BIRC6: variants seen among roughly 807,000 people sequenced by gnomAD.
BIRC6 encodes the protein dual E2 ubiquitin-conjugating enzyme/E3 ubiquitin-protein ligase BIRC6.
Under a neutral mutation model 503.3 loss-of-function variants are expected in BIRC6, and 98 were observed. That is an observed-to-expected ratio of 0.19 (90% CI 0.17 to 0.23). BIRC6 has a LOEUF of 0.23. Ranked by LOEUF, BIRC6 falls within the 10% of genes least tolerant of loss-of-function variation. The pLI is 1.00. For synonymous variants in BIRC6, 2,240 were observed against 2,078.7 expected (o/e 1.08, Z -2.11); for missense variants, 5,360 against 5,806.0 (o/e 0.92, Z 2.50).
At chr2:32,568,127 A>G (rs1326852968) in intron 65 of BIRC6, among the ~76,000 whole-genome samples, 1 of 151,840 alleles carries the variant, frequency 6.6e-6, no homozygotes, top group Admixed American at 6.6e-5. Flanking sequence ...ACAAACAAAC[A>G]AGAATGGAGA....
intron 37 of BIRC6, among the ~76,000 whole-genome samples, chr2:32,480,210 C>T (rs771029020): frequency 1.3e-5 from 2 of 152,118 alleles, no homozygotes; most frequent in Non-Finnish European, 2.9e-5. Flanking sequence ...ATGAACACTT[C>T]GTTATCGAAG....
intron 66 of BIRC6, among the ~76,000 whole-genome samples, chr2:32,580,739 A>G (rs2060616664): frequency 6.6e-6 from 1 of 152,218 alleles, no homozygotes; most frequent in Non-Finnish European, 1.5e-5. Flanking sequence ...CTCAGCAGAT[A>G]GAGCTGTATA....
chr2:32,572,015 A>C (rs995102154), intron 65 of BIRC6, among the ~76,000 whole-genome samples: 5 of 152,062 alleles, frequency 3.3e-5, no homozygotes, highest in African/African-American at 1.2e-4. Flanking sequence ...TTTAATTTCC[A>C]TGTATTTGTA....
In BIRC6 at chr2:32,599,946, C is replaced by G. The variant is rs1167987935; in HGVS notation, c.13992+46C>G. ...TGTTTCAAATGCCAATGATTGTATA[C>G]AAAGGTTCTTTGTAATTTGAAGAAA... On this transcript the variant is annotated intron_variant, in intron 70 of 73. Transcript: ENST00000421745. 3 of 1,561,500 alleles carry G rather than the reference C, an allele frequency of 1.9e-6. No homozygotes were observed. The African/African-American group carries it at 4.1e-5, about 21-fold the overall frequency.
chr2:32,381,779 C>T (rs1022583526), intron 3 of BIRC6, among the ~76,000 whole-genome samples: 9 of 151,946 alleles, frequency 5.9e-5, no homozygotes, highest in Non-Finnish European at 1.3e-4. Flanking sequence ...CTCTTAACCT[C>T]GTGATTCACC....
At chr2:32,439,175 TTG>T (rs957514092) in intron 15 of BIRC6, among the ~76,000 whole-genome samples, 10 of 151,498 alleles carry the variant, frequency 6.6e-5, no homozygotes, top group African/African-American at 2.2e-4. Flanking sequence ...AATGACAGTT[TTG>T]TGTGTGTGTG....
chr2:32,440,923 C>T (rs1478077548), intron 16 of BIRC6, among the ~76,000 whole-genome samples: 1 of 151,856 alleles, frequency 6.6e-6, no homozygotes, highest in Non-Finnish European at 1.5e-5. Flanking sequence ...CCATGCTTGG[C>T]TAACTTTTGT....
chr2:32,440,111 CA>C (rs2045245266), intron 16 of BIRC6, among the ~76,000 whole-genome samples: 1 of 152,216 alleles, frequency 6.6e-6, no homozygotes. Context: ...CTCCTAACCT[CA>C]GGTGATCTGC....
intron 12 of BIRC6, among the ~76,000 whole-genome samples, chr2:32,432,779 T>C (rs1231860816): frequency 6.7e-6 from 1 of 149,764 alleles, no homozygotes; most frequent in African/African-American, 2.5e-5. Context: ...AAAAAAAAAC[T>C]TTCATGCTAC....
At chr2:32,447,696 C>T (rs1485415174) in intron 21 of BIRC6, among the ~76,000 whole-genome samples, 4 of 93,560 alleles carry the variant, frequency 4.3e-5, no homozygotes, top group Admixed American at 9.5e-5. Flanking sequence ...GCTGGCCGGG[C>T]GGGGGGCTGA....
At chr2:32,385,714 A>C (rs1350764192) in intron 3 of BIRC6, among the ~76,000 whole-genome samples, 1 of 152,236 alleles carries the variant, frequency 6.6e-6, no homozygotes, top group African/African-American at 2.4e-5. Flanking sequence ...CTTGCAGTAC[A>C]GTCTGGTCTT....
chr2:32,523,947 G>A (rs1431732757), intron 57 of BIRC6, among the ~76,000 whole-genome samples: 2 of 151,942 alleles, frequency 1.3e-5, no homozygotes, highest in African/African-American at 2.4e-5. Flanking sequence ...GTGAGGCTGA[G>A]GTGAGATGAT....
rs546168826 is a variant in BIRC6 at position 32,366,377 on chromosome 2, A to T, written c.325+8891A>T. On this transcript the variant is annotated intron_variant, in intron 1 of 73. Coordinates refer to ENST00000421745, the MANE Select transcript of BIRC6 (RefSeq NM_016252.4). ...TCACTTGTTCTTTTTGTCTTTTTGGATTTGTTCAATACCTTCTTTATTCCT... is the reference window on the plus strand; with the variant it reads ...TCACTTGTTCTTTTTGTCTTTTTGGTTTTGTTCAATACCTTCTTTATTCCT... Among the ~76,000 whole-genome samples the T allele has an allele frequency of 9.7e-4, 148 of 152,036 alleles. 1 individual carries two copies. In the South Asian group the frequency reaches 0.011, roughly 11 times the overall value.
At chr2:32,404,765 C>A (rs1311115538) in intron 8 of BIRC6, among the ~76,000 whole-genome samples, 1 of 151,872 alleles carries the variant, frequency 6.6e-6, no homozygotes, top group Non-Finnish European at 1.5e-5. Flanking sequence ...GGGCTCAAGT[C>A]ATCCTTCTAC....
rs570760405 is a variant in BIRC6 at position 32,445,921 on chromosome 2, G to C, written c.4484+253G>C. ...TGCCCAGGCTGGAGTGCAATGGTGT[G>C]ATCTCAGCTCACCACAACCTCCATC... On this transcript the variant is annotated intron_variant, in intron 21 of 73. Coordinates refer to ENST00000421745, the MANE Select transcript of BIRC6 (RefSeq NM_016252.4). Among the ~76,000 whole-genome samples the C allele has an allele frequency of 4.0e-5, 6 of 151,660 alleles. No homozygotes were observed. The South Asian group carries it at 1.3e-3, about 32-fold the overall frequency.
At chr2:32,482,247 A>G (rs1490398265) in intron 38 of BIRC6, among the ~76,000 whole-genome samples, 182 bp from the exon 39 acceptor site, 3 of 152,236 alleles carry the variant, frequency 2.0e-5, no homozygotes, top group African/African-American at 4.8e-5. Flanking sequence ...TTTTGGCAGA[A>G]AGTGAGGAGA....
At chr2:32,402,908 A>G (rs2040755435) in intron 8 of BIRC6, among the ~76,000 whole-genome samples, 1 of 152,246 alleles carries the variant, frequency 6.6e-6, no homozygotes, top group African/African-American at 2.4e-5. Flanking sequence ...CCATACACAT[A>G]TAGTCACACC....
At position 32,595,041 on chromosome 2, in the gene BIRC6, A is replaced by C; in HGVS notation, c.13509A>C (p.Lys4503Asn). ...TSLRQANQEK[K>N]LGEYSKKAAM... ...TGAAATATTAAATAACAGAAAAAAA[A>C]CTGGGTGAATACTCCAAGAAGGCGG... The change falls in exon 68 of 74, where the codon AAA (lysine) becomes AAC (asparagine). Residue 4503 changes from lysine to asparagine, a missense_variant. Physicochemically the swap from Lys to Asn is moderately conservative, Grantham distance 94. This residue lies in a region of BIRC6 where 477 missense variants were observed against 574.4 expected (regional missense o/e 0.83). Coordinates refer to ENST00000421745, the MANE Select transcript of BIRC6 (RefSeq NM_016252.4). 2 of 1,574,612 alleles carry C rather than the reference A, an allele frequency of 1.3e-6. No individual in the cohort carries two copies. The highest frequency in any genetic ancestry group is 4.6e-5 in the East Asian group (2 of 43,818).
At chr2:32,498,309 C>T (rs2052732603) in intron 45 of BIRC6, among the ~76,000 whole-genome samples, 1 of 152,174 alleles carries the variant, frequency 6.6e-6, no homozygotes, top group Non-Finnish European at 1.5e-5. Flanking sequence ...AAGCAATCCA[C>T]CCGTGTCACT....
Sources: gnomAD v4.1 joint callset for allele counts (sites outside exome capture counted in the v4.1 genomes callset) on GRCh38, gnomAD v4.1.1 for gene constraint, gnomAD v4.1.1 regional missense constraint, MANE v1.5 for transcripts, NCBI Gene and HGNC (gene_info 2026-07-23, HGNC 2026-07-21) for gene names.